The following KDM2A variants were observed in gnomAD, a reference collection of about 807,000 sequenced individuals.
The protein encoded by KDM2A is lysine demethylase 2A, also known as lysine-specific demethylase 2A.
KDM2A carries 3 observed loss-of-function variants against 137.3 expected under a neutral mutation model. That is an observed-to-expected ratio of 0.02 (90% CI 0.01 to 0.06). The LOEUF (loss-of-function observed/expected upper bound fraction) is 0.06, where lower values mean the gene tolerates loss of function less well. Among genes scored for constraint, KDM2A ranks in the 10% least tolerant of loss-of-function variants. KDM2A has a pLI of 1.00. For missense variants in KDM2A, 738 were observed against 1,510.6 expected (o/e 0.49, Z 8.48); for synonymous variants, 512 against 541.5 (o/e 0.95, Z 0.76).
intron 2 of KDM2A, among the ~76,000 whole-genome samples, chr11:67,145,162 G>A (rs537602275): frequency 2.0e-5 from 3 of 150,648 alleles, no homozygotes; most frequent in African/African-American, 2.4e-5. Flanking sequence ...GTGAGCCACC[G>A]TGCCCGACCA....
Position 67,252,684 on chromosome 11 carries a change from T to C in KDM2A, c.2769-10T>C, listed in dbSNP as rs2136465435. 1 of 1,613,940 alleles carries C rather than the reference T, an allele frequency of 6.2e-7. No homozygotes were observed. On this transcript the variant is annotated splice_polypyrimidine_tract_variant and intron_variant, in intron 17 of 20. Transcript: ENST00000529006. ...TTAATGAAGGCGAGTTCTCTTCCCT[T>C]CTATCACAGGTGCTGCGACAAGAGA...
chr11:67,236,178 C>T (rs775082275), intron 12 of KDM2A, among the ~76,000 whole-genome samples: 3 of 151,794 alleles, frequency 2.0e-5, no homozygotes, highest in Non-Finnish European at 4.4e-5. Context: ...TCACCCAGGC[C>T]GAAGTGCAGT....
chr11:67,218,033 G>A (rs1858224335), intron 9 of KDM2A, 149 bp downstream of exon 9: 11 of 736,784 alleles, frequency 1.5e-5, no homozygotes, highest in Non-Finnish European at 2.4e-5. Flanking sequence ...AGATGCTGAG[G>A]TTTTGTTTGT....
At chr11:67,170,118 A>C (rs1190823677) in intron 2 of KDM2A, among the ~76,000 whole-genome samples, 1 of 152,114 alleles carries the variant, frequency 6.6e-6, no homozygotes, top group Non-Finnish European at 1.5e-5. Context: ...AAGTGAGAAC[A>C]CATTTTCATG....
chr11:67,218,009 T>C (rs1858223396), intron 9 of KDM2A, 125 bp downstream of exon 9: 3 of 851,922 alleles, frequency 3.5e-6, no homozygotes, highest in South Asian at 3.7e-5. Flanking sequence ...TGTTTCTTCC[T>C]GTCATTATGG....
intron 2 of KDM2A, among the ~76,000 whole-genome samples, chr11:67,165,981 C>A (rs183909626): frequency 1.2e-4 from 19 of 152,192 alleles, no homozygotes; most frequent in Admixed American, 3.3e-4. Flanking sequence ...ATGTATTATA[C>A]TGATGACTTA....
At chr11:67,205,752 G>C (rs909200893) in intron 5 of KDM2A, among the ~76,000 whole-genome samples, 7 of 152,052 alleles carry the variant, frequency 4.6e-5, no homozygotes, top group African/African-American at 1.7e-4. Context: ...AGAGTGATGG[G>C]ATTATAGATG....
chr11:67,145,640 C>T (rs1856226372), intron 2 of KDM2A, among the ~76,000 whole-genome samples: 1 of 151,888 alleles, frequency 6.6e-6, no homozygotes, highest in African/African-American at 2.4e-5. Flanking sequence ...AGACTGGACA[C>T]CTGGTATTCT....
intron 5 of KDM2A, among the ~76,000 whole-genome samples, chr11:67,204,136 A>G (rs1334417585): frequency 6.6e-6 from 1 of 152,098 alleles, no homozygotes; most frequent in African/African-American, 2.4e-5. Flanking sequence ...TTTACTTGTT[A>G]TTTCTTAAAT....
In KDM2A at chr11:67,254,391, T is replaced by A. The variant is rs1859534597; in HGVS notation, c.3280T>A (p.Tyr1094Asn). 3 of 1,614,046 alleles carry A rather than the reference T, an allele frequency of 1.9e-6. No individual in the cohort carries two copies. In the South Asian group the frequency reaches 3.3e-5, roughly 18 times the overall value. Residue 1094 changes from tyrosine to asparagine, a missense_variant, in exon 20 of 21, where the codon TAC becomes AAC. Tyr to Asn is a moderately radical substitution (Grantham distance 143). This residue lies in a region of KDM2A where 166 missense variants were observed against 324.0 expected (regional missense o/e 0.51). Coordinates refer to ENST00000529006, the MANE Select transcript of KDM2A (RefSeq NM_012308.3). This position sits in a 1 kb window ranked among gnomAD's most constrained non-coding sequence, Gnocchi z 4.7. ...LLTAVGSSTRYSLTELNMAGC... is the reference protein window; with the variant it reads ...LLTAVGSSTRNSLTELNMAGC... ...CACTGCTGTCGGGTCTTCCACTCGCTACTCTCTCACAGAGCTCAATATGGC... is the reference window on the plus strand; with the variant it reads ...CACTGCTGTCGGGTCTTCCACTCGCAACTCTCTCACAGAGCTCAATATGGC...
At position 67,217,864 on chromosome 11, in the gene KDM2A, A is replaced by G. The variant is rs1282730793; in HGVS notation, c.821A>G (p.Tyr274Cys). 6.2e-7 allele frequency: 1 copy of G among 1,611,146 alleles called. No homozygotes were observed. ...CAGCGCATTGAGCTCAAGCAGGGCTATACCTTCGTCATTCCCTCAGGTAAG... is the reference window on the plus strand; with the variant it reads ...CAGCGCATTGAGCTCAAGCAGGGCTGTACCTTCGTCATTCCCTCAGGTAAG... ...DCQRIELKQG[Y>C]TFVIPSGWIH... Residue 274 changes from tyrosine to cysteine, a missense_variant, in exon 9 of 21, where the codon TAT becomes TGT. Coordinates refer to ENST00000529006, the MANE Select transcript of KDM2A (RefSeq NM_012308.3).
At chr11:67,152,218 T>C (rs1856407816) in intron 2 of KDM2A, among the ~76,000 whole-genome samples, 1 of 151,662 alleles carries the variant, frequency 6.6e-6, no homozygotes, top group East Asian at 1.9e-4. Flanking sequence ...GAGGCTGAGG[T>C]GGGAGGATCA....
intron 6 of KDM2A, among the ~76,000 whole-genome samples, chr11:67,209,641 A>G (rs1173416279): frequency 6.6e-6 from 1 of 151,926 alleles, no homozygotes; most frequent in Non-Finnish European, 1.5e-5. Flanking sequence ...ATGGGGTTTC[A>G]CCATGTTGGC....
chr11:67,255,244 C>G lies in KDM2A; in HGVS notation c.*189C>G. On this transcript the variant is annotated 3_prime_UTR_variant, in exon 21 of 21. Transcript: ENST00000529006. ...GGACACCAGGCTTATCTGCCTGCTC[C>G]TCTCCCTCCTAAGGAAAAGGGAGTA... 1.7e-6 allele frequency: 1 copy of G among 601,808 alleles called. No homozygotes were observed. The allele number at this position is 601,808 out of a possible 1,614,324, so 37.3% of individuals were successfully genotyped here. A position where few individuals can be genotyped will look rare whatever the true frequency, so the allele number is the denominator to read the frequency against.
At chr11:67,145,363 G>C (rs904815656) in intron 2 of KDM2A, among the ~76,000 whole-genome samples, 7 of 151,836 alleles carry the variant, frequency 4.6e-5, no homozygotes, top group African/African-American at 1.7e-4. Context: ...AGTTGCGTGT[G>C]CCTGTAATCC....
chr11:67,141,685 ATAT>A (rs1565374834), intron 2 of KDM2A, among the ~76,000 whole-genome samples: 8,400 of 90,444 alleles, frequency 0.093, 842 homozygotes, highest in African/African-American at 0.25. Context: ...AAAAAAAAAT[ATAT>A]ATATATATAT....
In KDM2A at chr11:67,253,564, A is replaced by G; in HGVS notation, c.3044A>G (p.Lys1015Arg). The change falls in exon 19 of 21, where the codon AAG (lysine) becomes AGG (arginine). Residue 1015 changes from lysine (K) to arginine (R), a missense_variant. By Grantham distance (26) the Lys-to-Arg change is conservative (BLOSUM62 2). Transcript: ENST00000529006. ...GATCTTCGGTGGGCAGTAGGAATCA[A>G]GGACCCTCAAATTCGGGACTTGCTT... ...TLDLRWAVGI[K>R]DPQIRDLLTP... 1 of 1,613,990 alleles carries G rather than the reference A, an allele frequency of 6.2e-7. No homozygotes were observed. Among genetic ancestry groups the G allele is most frequent in the South Asian group, 1.1e-5 (1 of 91,074 alleles).
intron 11 of KDM2A, among the ~76,000 whole-genome samples, chr11:67,229,036 G>C (rs150560859): frequency 2.0e-5 from 3 of 152,064 alleles, no homozygotes. Flanking sequence ...TGTCTAATGC[G>C]TTTTATTGTA....
chr11:67,219,281 C>G lies in KDM2A; in HGVS notation c.842-7C>G. ...TCAGCCACTGCCCTCTGTTCCCCTT[C>G]TCCTAGGCTGGATTCATGCTGTGTA... On this transcript the variant is annotated splice_polypyrimidine_tract_variant and splice_region_variant and intron_variant, in intron 9 of 20. Coordinates refer to ENST00000529006, the MANE Select transcript of KDM2A (RefSeq NM_012308.3). 2.6e-6 allele frequency: 4 copies of G among 1,518,070 alleles called. No homozygotes were observed. The highest frequency in any genetic ancestry group is 3.6e-6 in the Non-Finnish European group (4 of 1,116,840). The allele number at this position is 1,518,070 out of a possible 1,614,324, so 94.0% of individuals were successfully genotyped here.
Sources: allele counts gnomAD v4.1 joint callset (sites outside exome capture counted in the v4.1 genomes callset), GRCh38; gene constraint gnomAD v4.1.1; regional missense constraint gnomAD v4.1.1; non-coding constraint Gnocchi (gnomAD v3.1); transcripts MANE v1.5; gene names NCBI Gene and HGNC (gene_info 2026-07-23, HGNC 2026-07-21).